NGEF: variants seen among roughly 807,000 people sequenced by gnomAD.
The protein encoded by NGEF is ephexin-1.
NGEF carries 31 observed loss-of-function variants against 80.9 expected under a neutral mutation model. The observed-to-expected ratio is 0.38, with a 90% CI of 0.29 to 0.52. The LOEUF (loss-of-function observed/expected upper bound fraction) is 0.52. NGEF is among the 20% of genes least tolerant of loss of function. NGEF has a pLI of 0.84. For synonymous variants in NGEF, 371 were observed against 370.2 expected (o/e 1.00, Z -0.03); for missense variants, 709 against 926.2 (o/e 0.77, Z 3.04).
At chr2:232,929,746 G>A (rs1161115560) in intron 3 of NGEF, among the ~76,000 whole-genome samples, 1 of 152,166 alleles carries the variant, frequency 6.6e-6, no homozygotes, top group Non-Finnish European at 1.5e-5. Flanking sequence ...GGCTGTCCTG[G>A]CTGCTATAAC....
chr2:232,899,796 T>TCACA (rs57484693), intron 5 of NGEF, among the ~76,000 whole-genome samples: 3 of 119,706 alleles, frequency 2.5e-5, no homozygotes, highest in Non-Finnish European at 5.1e-5. Flanking sequence ...TCACATTCAC[T>TCACA]CACACACACG....
intron 3 of NGEF, 113 bp from the exon 4 acceptor site, chr2:232,927,299 G>T (rs1693094081): frequency 1.7e-6 from 2 of 1,203,688 alleles, no homozygotes; most frequent in African/African-American, 1.6e-5. Context: ...ACCTTACCCG[G>T]GACCGTCCAG....
At chr2:232,924,928 C>A (rs1483187310) in intron 4 of NGEF, among the ~76,000 whole-genome samples, 2 of 152,126 alleles carry the variant, frequency 1.3e-5, no homozygotes, top group African/African-American at 2.4e-5. Flanking sequence ...CAGTGTGTAA[C>A]CATTTCTCAT....
intron 1 of NGEF, among the ~76,000 whole-genome samples, chr2:233,011,435 C>A (rs1421610496): frequency 1.3e-5 from 2 of 152,054 alleles, no homozygotes; most frequent in African/African-American, 2.4e-5. Context: ...GGACAAACAG[C>A]AGCTCCTGCG....
rs981343758 is a variant in NGEF, at chr2:232,883,092, C to T, written c.1757+219G>A. Among the ~76,000 whole-genome samples the T allele has an allele frequency of 5.4e-4, 82 of 151,022 alleles. 1 individual carries two copies. In the East Asian group the frequency reaches 6.2e-3, roughly 11 times the overall value. Reference sequence around the variant, plus strand: ...ACACACACACACACACGCACACACGCACACACGTACACGCGTACACGCATC... The same window carrying T: ...ACACACACACACACACGCACACACGTACACACGTACACGCGTACACGCATC... On this transcript the variant is annotated intron_variant, in intron 12 of 14. Transcript: ENST00000264051.
At chr2:233,012,020 A>G (rs761131010) in intron 1 of NGEF, among the ~76,000 whole-genome samples, 1 of 152,108 alleles carries the variant, frequency 6.6e-6, no homozygotes, top group Non-Finnish European at 1.5e-5. Context: ...CCTCAGAGCT[A>G]AGCAGTGCCA....
chr2:232,979,855 T>C (rs1011260660), intron 1 of NGEF, among the ~76,000 whole-genome samples: 2 of 140,880 alleles, frequency 1.4e-5, no homozygotes, highest in African/African-American at 5.2e-5. Context: ...TGTAAACATC[T>C]TTTTTTTTTT....
chr2:232,888,572 C>A (rs757044403), intron 8 of NGEF, among the ~76,000 whole-genome samples: 53 of 152,170 alleles, frequency 3.5e-4, no homozygotes, highest in Non-Finnish European at 6.8e-4. Context: ...CACACACACG[C>A]ATGCACGCAC....
chr2:232,983,243 G>A (rs1335844513), intron 1 of NGEF, among the ~76,000 whole-genome samples: 1 of 151,548 alleles, frequency 6.6e-6, no homozygotes, highest in African/African-American at 2.4e-5. Context: ...AGCAAGGCCG[G>A]GAAGCCTAGA....
intron 1 of NGEF, among the ~76,000 whole-genome samples, chr2:232,978,623 G>A (rs1694345416): frequency 6.6e-6 from 1 of 152,142 alleles, no homozygotes; most frequent in Non-Finnish European, 1.5e-5. Context: ...CCAAGATACA[G>A]AACAGCTCCC....
chr2:232,900,468 T>A (rs1293741787), intron 5 of NGEF, among the ~76,000 whole-genome samples: 1 of 26,164 alleles, frequency 3.8e-5, no homozygotes, highest in African/African-American at 1.1e-4. Context: ...TCACATTCAC[T>A]CACACACACG....
At chr2:232,880,685 G>A (rs78637909) in intron 14 of NGEF, among the ~76,000 whole-genome samples, 13,292 of 152,322 alleles carry the variant, frequency 0.087, 797 homozygotes, top group South Asian at 0.26. Flanking sequence ...GACAGCAGCA[G>A]GGGTGGCCAG....
intron 1 of NGEF, among the ~76,000 whole-genome samples, chr2:233,011,856 T>A (rs1212279959): frequency 1.3e-5 from 2 of 152,130 alleles, no homozygotes; most frequent in African/African-American, 4.8e-5. Flanking sequence ...AACCCCTGGC[T>A]TTCCTGTGGG....
At chr2:232,909,772 C>T (rs188404935) in intron 5 of NGEF, among the ~76,000 whole-genome samples, 2 of 152,152 alleles carry the variant, frequency 1.3e-5, no homozygotes, top group Admixed American at 1.3e-4. Flanking sequence ...CCATGCTCCC[C>T]GCATCCTTCA....
rs1553553841 is a variant in NGEF at position 232,953,317 on chromosome 2, A to AAG, written c.383+16896_383+16897insCT. Among the ~76,000 whole-genome samples the AAG allele has an allele frequency of 2.0e-4, 30 of 148,502 alleles. 1 individual carries two copies. The highest frequency in any genetic ancestry group is 2.8e-4 in the Non-Finnish European group (19 of 67,336). On this transcript the variant is annotated intron_variant, in intron 3 of 14. Transcript: ENST00000264051. ...ACTCTGTGTCAAAAAAAAAAAAAAA[A>AAG]AAAGAAAAAGAAAGAAAAAAAGGGA... is the stretch of plus-strand genomic sequence containing the variant.
intron 3 of NGEF, among the ~76,000 whole-genome samples, chr2:232,952,865 A>G (rs1383927659): frequency 1.3e-5 from 2 of 148,564 alleles, no homozygotes; most frequent in African/African-American, 5.0e-5. Flanking sequence ...GCTACTCCAG[A>G]GGCTGAGGCA....
chr2:232,881,749 G>T (rs1423620028), intron 13 of NGEF, among the ~76,000 whole-genome samples: 1 of 152,094 alleles, frequency 6.6e-6, no homozygotes, highest in East Asian at 1.9e-4. Flanking sequence ...TGGCTATTCC[G>T]TATTTTTAGT....
At chr2:232,883,207 G>T in intron 12 of NGEF, 104 bp downstream of exon 12, 1 of 1,340,166 alleles carries the variant, frequency 7.5e-7, no homozygotes, top group Non-Finnish European at 1.0e-6. Flanking sequence ...TCCACACAGA[G>T]CGTGTGTGGT....
rs1391591931 is a variant in NGEF, at chr2:232,892,105, T to A, written c.1143-618A>T. Among the ~76,000 whole-genome samples the A allele has an allele frequency of 6.6e-6, 1 of 152,154 alleles. No homozygotes were observed. The highest frequency in any genetic ancestry group is 1.5e-5 in the Non-Finnish European group (1 of 68,034). On this transcript the variant is annotated intron_variant, in intron 7 of 14. Coordinates refer to ENST00000264051, the MANE Select transcript of NGEF (RefSeq NM_019850.3). This position sits in a 1 kb window ranked among gnomAD's most constrained non-coding sequence, Gnocchi z 4.0. ...CTTGGGTGCTGTGAATGATTCCTAATCTGCCACATGCTTGCCTTCTCAATG... is the reference window on the plus strand; with the variant it reads ...CTTGGGTGCTGTGAATGATTCCTAAACTGCCACATGCTTGCCTTCTCAATG...
Sources: allele counts gnomAD v4.1 joint callset (sites outside exome capture counted in the v4.1 genomes callset), GRCh38; gene constraint gnomAD v4.1.1; non-coding constraint Gnocchi (gnomAD v3.1); transcripts MANE v1.5; gene names NCBI Gene and HGNC (gene_info 2026-07-23, HGNC 2026-07-21).